Variants in ACSBG1 observed in about 807,000 individuals in gnomAD.
ACSBG1 encodes the protein acyl-CoA synthetase bubblegum family member 1, also known as long-chain-fatty-acid--CoA ligase ACSBG1.
ACSBG1 carries 39 observed loss-of-function variants against 80.2 expected under a neutral mutation model. The observed-to-expected ratio is 0.49, with a 90% CI of 0.38 to 0.64. The LOEUF (loss-of-function observed/expected upper bound fraction) is 0.64. ACSBG1 is among the 30% of genes least tolerant of loss of function. The probability of loss-of-function intolerance (pLI) is 0.00; values close to 1 mark genes in which losing one functional copy is unlikely to be tolerated. For synonymous variants in ACSBG1, 392 were observed against 379.5 expected, an observed-to-expected ratio of 1.03 and a Z score of -0.38; for missense variants, 828 against 966.4, an observed-to-expected ratio of 0.86 and a Z score of 1.90.
chr15:78,175,215 T>G (rs1454140348), intron 11 of ACSBG1, among the ~76,000 whole-genome samples: 3 of 152,252 alleles, frequency 2.0e-5, no homozygotes, highest in Non-Finnish European at 4.4e-5. Flanking sequence ...TGTTGTCTGA[T>G]AGTACTGATG....
intron 11 of ACSBG1, among the ~76,000 whole-genome samples, chr15:78,176,073 AT>A (rs34270009): frequency 0.54 from 82,391 of 151,710 alleles, 23,304 homozygotes; most frequent in African/African-American, 0.69. Context: ...AGATTTAATA[AT>A]TTTTTTTTAA....
Position 78,181,978 on chromosome 15 carries a change from G to C in ACSBG1, c.1062C>G (p.Asp354Glu). The change falls in exon 8 of 14, where the codon GAC becomes GAG. Residue 354 changes from aspartate (D) to glutamate (E), a missense_variant. Coordinates refer to ENST00000258873, the MANE Select transcript of ACSBG1 (RefSeq NM_015162.5). Reference protein sequence around the residue: ...WGAQVCFAEPDALKGSLVNTL... With the variant: ...WGAQVCFAEPEALKGSLVNTL... ...GTAAAGGCAGACTGACCTTCAGGGCGTCGGGTTCGGCAAAGCAAACCTGGG... is the reference window on the plus strand; with the variant it reads ...GTAAAGGCAGACTGACCTTCAGGGCCTCGGGTTCGGCAAAGCAAACCTGGG... 1 of 1,613,790 alleles carries C rather than the reference G, an allele frequency of 6.2e-7. No homozygotes were observed. Among genetic ancestry groups the C allele is most frequent in the Non-Finnish European group, 8.5e-7 (1 of 1,179,852 alleles).
intron 2 of ACSBG1, among the ~76,000 whole-genome samples, chr15:78,200,648 T>A: frequency 6.6e-6 from 1 of 152,122 alleles, no homozygotes. Flanking sequence ...CACGGTGAAC[T>A]TCAAGGAAGA....
At position 78,201,601 on chromosome 15, in the gene ACSBG1, G is replaced by A. The variant is rs549695550; in HGVS notation, c.232+6401C>T. Among the ~76,000 whole-genome samples the A allele has an allele frequency of 1.6e-3, 239 of 152,324 alleles. 1 individual carries two copies. Among genetic ancestry groups the A allele is most frequent in the Non-Finnish European group, 5.4e-4 (37 of 68,034 alleles). On this transcript the variant is annotated intron_variant, in intron 2 of 13. Transcript: ENST00000258873. ...CCTGCCCTTCAGAGCTGAAAGAAGG[G>A]AAGACAGATGCATCTTCTAGCCTGG... is the stretch of plus-strand genomic sequence containing the variant.
intron 13 of ACSBG1, among the ~76,000 whole-genome samples, chr15:78,173,174 T>C (rs958843424): frequency 2.8e-4 from 43 of 151,604 alleles, no homozygotes; most frequent in Non-Finnish European, 1.8e-4. Flanking sequence ...GGAGAAACCA[T>C]GTCTCTACTA....
intron 5 of ACSBG1, among the ~76,000 whole-genome samples, chr15:78,190,132 G>A (rs2075044128): frequency 6.6e-6 from 1 of 152,000 alleles, no homozygotes; most frequent in African/African-American, 2.4e-5. Context: ...AGCTGGACTG[G>A]GTGCAGTGGC....
chr15:78,207,933 C>T (rs2141367356), intron 2 of ACSBG1, 69 bp downstream of exon 2: 1 of 786,548 alleles, frequency 1.3e-6, no homozygotes, highest in Non-Finnish European at 2.1e-6. Flanking sequence ...ACACCACCCA[C>T]CCCTCCAGCA....
At chr15:78,227,243 AAG>A in intron 1 of ACSBG1, among the ~76,000 whole-genome samples, 1 of 148,818 alleles carries the variant, frequency 6.7e-6, no homozygotes, top group Non-Finnish European at 1.5e-5. Flanking sequence ...AAAAAAAAAA[AAG>A]ATACACAATT....
chr15:78,216,398 T>C (rs1363962033), intron 1 of ACSBG1, among the ~76,000 whole-genome samples: 2 of 151,614 alleles, frequency 1.3e-5, no homozygotes, highest in Non-Finnish European at 1.5e-5. Context: ...GGAGTAAAGG[T>C]CTGATTATTT....
chr15:78,222,253 T>G (rs186421939), intron 1 of ACSBG1, among the ~76,000 whole-genome samples: 6 of 152,282 alleles, frequency 3.9e-5, no homozygotes, highest in Admixed American at 1.3e-4. Flanking sequence ...AGCAAATCTA[T>G]AGAGACAAAC....
rs921862974 is a variant in ACSBG1 at position 78,230,842 on chromosome 15, G to A, written c.131+3529C>T. 7.2e-5 allele frequency among the ~76,000 whole-genome samples: 11 copies of A among 152,138 alleles called. No homozygotes were observed. The East Asian group carries it at 1.2e-3, about 16-fold the overall frequency. ...ACTTCTTTCTTTTGTAAACTTCCCCGTCTCAGGTATGTCTTTATCAGCAGC... is the reference window on the plus strand; with the variant it reads ...ACTTCTTTCTTTTGTAAACTTCCCCATCTCAGGTATGTCTTTATCAGCAGC... On this transcript the variant is annotated intron_variant, in intron 1 of 13. Transcript: ENST00000258873.
At chr15:78,193,682 T>TCCCCCCCCCCCCCCACAGTAGCC in intron 4 of ACSBG1, 56 bp from the exon 5 acceptor site, 2 of 1,560,248 alleles carry the variant, frequency 1.3e-6, no homozygotes, top group African/African-American at 1.4e-5. Flanking sequence ...GCCACCCCCT[T>TCCCCCCCCCCCCCCACAGTAGCC]CCCCCACCCC....
At chr15:78,173,498 T>G (rs1013138879) in intron 13 of ACSBG1, 95 bp downstream of exon 13, 140 of 1,523,910 alleles carry the variant, frequency 9.2e-5, no homozygotes, top group Non-Finnish European at 1.2e-4. Context: ...GACCTTCTCT[T>G]TGCCGTGGCT....
chr15:78,194,756 T>C (rs2075097423), intron 2 of ACSBG1, 30 bp from the exon 3 acceptor site: 1 of 1,602,228 alleles, frequency 6.2e-7, no homozygotes, highest in Non-Finnish European at 8.5e-7. Context: ...ACAGCTTGGA[T>C]CATGCCAGCC....
chr15:78,230,903 T>C (rs1307259052), intron 1 of ACSBG1, among the ~76,000 whole-genome samples: 1 of 152,236 alleles, frequency 6.6e-6, no homozygotes, highest in East Asian at 1.9e-4. Context: ...CTCCTGGAGT[T>C]GGCCCAGAGG....
chr15:78,209,237 T>C (rs1181796562), intron 1 of ACSBG1: 5 of 455,934 alleles, frequency 1.1e-5, no homozygotes, highest in Non-Finnish European at 1.8e-5. Context: ...CTGGCAGCCA[T>C]CTGCTTAAGA....
chr15:78,226,535 G>T, intron 1 of ACSBG1: 1 of 184,938 alleles, frequency 5.4e-6, no homozygotes. Context: ...CACTTTGGAA[G>T]GCCAAGGTGG....
In ACSBG1 at chr15:78,233,778, C is replaced by A. The variant is rs569426184; in HGVS notation, c.131+593G>T. 3.7e-4 allele frequency among the ~76,000 whole-genome samples: 56 copies of A among 152,348 alleles called. No individual in the cohort carries two copies. In the South Asian group the frequency reaches 0.011, roughly 30 times the overall value. ...GGACTGAGTCTCATCTTCTCAGGAT[C>A]CCCTACTCCCTGGATGGACAGGGCC... On this transcript the variant is annotated intron_variant, in intron 1 of 13. Transcript: ENST00000258873.
chr15:78,168,930 A>G lies in ACSBG1; in HGVS notation c.*2514T>C, dbSNP rs201332166. On this transcript the variant is annotated 3_prime_UTR_variant, in exon 14 of 14. Transcript: ENST00000258873. ...CTTTTTCCTTTTCTCAGAGCTTGAC[A>G]AAAGATTTGGGAGGCAATGCAAAAT... is the stretch of plus-strand genomic sequence containing the variant. 1.2e-4 allele frequency: 190 copies of G among 1,595,654 alleles called. 1 individual carries two copies. The highest frequency in any genetic ancestry group is 3.2e-4 in the South Asian group (29 of 89,764).
Sources: allele counts gnomAD v4.1 joint callset (sites outside exome capture counted in the v4.1 genomes callset), GRCh38; gene constraint gnomAD v4.1.1; transcripts MANE v1.5; gene names NCBI Gene and HGNC (gene_info 2026-07-23, HGNC 2026-07-21).